Variants in ABCA7 observed in about 807,000 individuals in gnomAD.
The protein encoded by ABCA7 is phospholipid-transporting ATPase ABCA7.
A neutral mutation model predicts 227.6 loss-of-function variants in ABCA7; 261 were observed. The observed-to-expected ratio is 1.15, with a 90% CI of 1.04 to 1.27. The LOEUF (loss-of-function observed/expected upper bound fraction) is 1.27. Ranked by LOEUF, ABCA7 falls within the 50% of genes most tolerant of loss-of-function variation. ABCA7 has a pLI of 0.00. For missense variants in ABCA7, 3,331 were observed against 2,924.5 expected, an observed-to-expected ratio of 1.14 and a Z score of -3.21; for synonymous variants, 1,488 against 1,279.7, an observed-to-expected ratio of 1.16 and a Z score of -3.47.
intron 23 of ABCA7, 148 bp from the exon 24 acceptor site, chr19:1,053,181 C>T (rs1599664458): frequency 1.3e-6 from 1 of 794,840 alleles, no homozygotes; most frequent in East Asian, 2.7e-5. Flanking sequence ...GCGTGAGCCA[C>T]TGCGCCCGGC....
At position 1,045,025 on chromosome 19, in the gene ABCA7, G is replaced by A. The variant is rs1365244123; in HGVS notation, c.1239G>A (p.Glu413=). Residue 413 remains glutamate, a synonymous_variant, in exon 12 of 47, where the codon GAG becomes GAA. Transcript: ENST00000263094. ...AGTGCCTGTCCTTGGACAAGCTGGA[G>A]GCGGCACCCTCAGAGGCAGCCCTGG... ...VTECLSLDKL[E]AAPSEAALVS... 4 of 1,612,752 alleles carry A rather than the reference G, an allele frequency of 2.5e-6. No homozygotes were observed. The African/African-American group carries it at 5.3e-5, about 22-fold the overall frequency.
chr19:1,058,213 G>A lies in ABCA7; in HGVS notation c.5093G>A (p.Arg1698Gln), dbSNP rs144259338. The change falls in exon 37 of 47, where the codon CGG (arginine) becomes CAG (glutamine). Residue 1698 changes from arginine (R) to glutamine (Q), a missense_variant. Physicochemically the swap from Arg to Gln is conservative, Grantham distance 43 (BLOSUM62 1). Coordinates refer to ENST00000263094, the MANE Select transcript of ABCA7 (RefSeq NM_019112.4). ...ATCTTCCCCCACTTCTGCTTGGGCCGGGGGCTCATTGACATGGTGCGGAAC... is the reference window on the plus strand; with the variant it reads ...ATCTTCCCCCACTTCTGCTTGGGCCAGGGGCTCATTGACATGGTGCGGAAC... ...FLIFPHFCLG[R>Q]GLIDMVRNQA... 40 of 1,613,176 alleles carry A rather than the reference G, an allele frequency of 2.5e-5. No homozygotes were observed. The highest frequency in any genetic ancestry group is 2.7e-5 in the African/African-American group (2 of 74,722).
At chr19:1,048,406 G>C (rs1233693625) in intron 16 of ABCA7, among the ~76,000 whole-genome samples, 1 of 140,624 alleles carries the variant, frequency 7.1e-6, no homozygotes, top group African/African-American at 2.6e-5. Flanking sequence ...AGAGGCAGGA[G>C]AAATGCTTGA....
chr19:1,048,759 A>G (rs1374509588), intron 16 of ABCA7, 136 bp from the exon 17 acceptor site: 2 of 468,996 alleles, frequency 4.3e-6, no homozygotes, highest in African/African-American at 2.0e-5. Flanking sequence ...CAGCGAGTCA[A>G]AATCGTGCCA....
intron 45 of ABCA7, 35 bp downstream of exon 45, chr19:1,064,288 G>C: frequency 1.3e-6 from 2 of 1,530,464 alleles, no homozygotes; most frequent in Non-Finnish European, 1.8e-6. Flanking sequence ...GGTGTGGGGT[G>C]AGGGTGGGCA....
At chr19:1,042,014 G>T (rs1254208216) in intron 4 of ABCA7, 42 bp downstream of exon 4, 1 of 1,582,186 alleles carries the variant, frequency 6.3e-7, no homozygotes, top group Non-Finnish European at 8.6e-7. Context: ...GCAAACTCGG[G>T]GCTGCAGTGC....
intron 35 of ABCA7, among the ~76,000 whole-genome samples, 167 bp downstream of exon 35, chr19:1,057,596 G>T (rs2042363967): frequency 6.6e-6 from 1 of 152,118 alleles, no homozygotes; most frequent in Admixed American, 6.5e-5. Flanking sequence ...GGCCTTAAAA[G>T]CTCATCTTAT....
At chr19:1,047,064 G>A (rs1365312163) in intron 14 of ABCA7, 40 bp downstream of exon 14, 3 of 1,551,374 alleles carry the variant, frequency 1.9e-6, no homozygotes, top group East Asian at 4.9e-5. Flanking sequence ...GAATGGGTGC[G>A]CTGGAGGGTG....
Position 1,042,793 on chromosome 19 carries a change from C to T in ABCA7, c.546C>T (p.Ser182=), listed in dbSNP as rs773813183. The change falls in exon 7 of 47, where the codon AGC becomes AGT. Residue 182 remains serine, a synonymous_variant. Transcript: ENST00000263094. Reference sequence around the variant, plus strand: ...GCCAAGCCCAGGAGCCCTTGCACAGCTTGTTGGAGGCCGCTGAGGACCTGG... The same window carrying T: ...GCCAAGCCCAGGAGCCCTTGCACAGTTTGTTGGAGGCCGCTGAGGACCTGG... ...ALGQAQEPLH[S]LLEAAEDLAQ... is the part of the protein sequence containing the mutation. 4.3e-6 allele frequency: 7 copies of T among 1,612,458 alleles called. No individual in the cohort carries two copies. The highest frequency in any genetic ancestry group is 2.2e-5 in the South Asian group (2 of 91,054).
At position 1,064,150 on chromosome 19, in the gene ABCA7, G is replaced by T; in HGVS notation, c.5952-11G>T. 1 of 1,555,274 alleles carries T rather than the reference G, an allele frequency of 6.4e-7. No individual in the cohort carries two copies. Among genetic ancestry groups the T allele is most frequent in the Non-Finnish European group, 8.7e-7 (1 of 1,150,564 alleles). On this transcript the variant is annotated splice_polypyrimidine_tract_variant and intron_variant, in intron 44 of 46. Coordinates refer to ENST00000263094, the MANE Select transcript of ABCA7 (RefSeq NM_019112.4). ...CGGCCTCACGGAGCTCGTGGTGCCG[G>T]GTCCCGACAGCATGGAGGAGTGTGA...
chr19:1,054,321 C>T lies in ABCA7; in HGVS notation c.3706C>T (p.Arg1236Cys), dbSNP rs764301405. 2.2e-5 allele frequency: 36 copies of T among 1,600,622 alleles called. No individual in the cohort carries two copies. Among genetic ancestry groups the T allele is most frequent in the Middle Eastern group, 1.7e-4 (1 of 5,872 alleles). ...GCGCTTTCTGCTTGCCCGCCGCAGC[C>T]GCCGCGGCCTGTTCGCCCAGGTGAG... is the stretch of plus-strand genomic sequence containing the variant. ...LKRFLLARRS[R>C]RGLFAQIVLP... Residue 1236 changes from arginine to cysteine, a missense_variant, in exon 27 of 47, where the codon CGC (arginine) becomes TGC (cysteine). By Grantham distance (180) the Arg-to-Cys change is radical. Coordinates refer to ENST00000263094, the MANE Select transcript of ABCA7 (RefSeq NM_019112.4). This position sits in a 1 kb window ranked among gnomAD's most constrained non-coding sequence, Gnocchi z 4.8.
chr19:1,057,265 A>T, intron 34 of ABCA7, 49 bp from the exon 35 acceptor site: 3 of 1,599,746 alleles, frequency 1.9e-6, no homozygotes, highest in Non-Finnish European at 2.6e-6. Context: ...TGAGGGTGGC[A>T]GTGCCCACCT....
Position 1,053,338 on chromosome 19 carries a change from A to T in ABCA7, c.3230A>T (p.Gln1077Leu), listed in dbSNP as rs1245880932. Residue 1077 changes from glutamine to leucine, a missense_variant, in exon 24 of 47, where the codon CAG becomes CTG. Coordinates refer to ENST00000263094, the MANE Select transcript of ABCA7 (RefSeq NM_019112.4). ...CCCTTTGTCCACACAGGCACTCCTC[A>T]GCTGCTGGCCCTGGTACAGCACTGG... ...GSQGSRVGTP[Q>L]LLALVQHWVP... The T allele has an allele frequency of 3.7e-6, 6 of 1,609,114 alleles. No homozygotes were observed. Among genetic ancestry groups the T allele is most frequent in the Middle Eastern group, 4.5e-4 (2 of 4,466 alleles).
Position 1,048,881 on chromosome 19 carries a change from G to T in ABCA7, c.2270-14G>T, listed in dbSNP as rs546722673. The T allele has an allele frequency of 1.3e-6, 2 of 1,534,444 alleles. No homozygotes were observed. The highest frequency in any genetic ancestry group is 2.4e-5 in the South Asian group (2 of 84,572). Reference sequence around the variant, plus strand: ...GGGGGTGGGCTAAGCAATAACCCGCGCCCCTCCCCGCAGGCCAGTACGGGA... The same window carrying T: ...GGGGGTGGGCTAAGCAATAACCCGCTCCCCTCCCCGCAGGCCAGTACGGGA... On this transcript the variant is annotated splice_polypyrimidine_tract_variant and intron_variant, in intron 16 of 46. Transcript: ENST00000263094.
At position 1,042,338 on chromosome 19, in the gene ABCA7, T is replaced by C. The variant is rs1437256452; in HGVS notation, c.439T>C (p.Ser147Pro). 1 of 1,587,350 alleles carries C rather than the reference T, an allele frequency of 6.3e-7. No individual in the cohort carries two copies. ...STAQPQPTKQSPLEPPMLDVA... is the reference protein window; with the variant it reads ...STAQPQPTKQPPLEPPMLDVA... ...AGCCCAGCCTCAACCAACCAAGCAG[T>C]CTCCACTGGAACCACCCATGCTGGA... The change falls in exon 6 of 47, where the codon TCT becomes CCT. Residue 147 changes from serine to proline, a missense_variant. Ser to Pro is a moderately conservative substitution (Grantham distance 74). Coordinates refer to ENST00000263094, the MANE Select transcript of ABCA7 (RefSeq NM_019112.4).
chr19:1,056,003 C>T lies in ABCA7; in HGVS notation c.4239-63C>T, dbSNP rs1568377206. 1 of 1,544,070 alleles carries T rather than the reference C, an allele frequency of 6.5e-7. No homozygotes were observed. Among genetic ancestry groups the T allele is most frequent in the Non-Finnish European group, 8.7e-7 (1 of 1,147,756 alleles). On this transcript the variant is annotated intron_variant, in intron 31 of 46. Coordinates refer to ENST00000263094, the MANE Select transcript of ABCA7 (RefSeq NM_019112.4). The surrounding 1 kb of genome is among the most constrained non-coding windows in gnomAD (Gnocchi z 4.3). ...CCACTCCCATGCCCTCTGCCTGCCC[C>T]CTGGGAGCTCTCCCGGCCCCCCCGG...
chr19:1,048,557 C>A (rs868690715), intron 16 of ABCA7, among the ~76,000 whole-genome samples: 1 of 149,242 alleles, frequency 6.7e-6, no homozygotes, highest in Non-Finnish European at 1.5e-5. Flanking sequence ...CGCCTGCTTT[C>A]CCAGCACTTT....
At chr19:1,043,508 G>A (rs1181862074) in intron 9 of ABCA7, 35 bp downstream of exon 9, 1 of 1,612,744 alleles carries the variant, frequency 6.2e-7, no homozygotes, top group East Asian at 2.2e-5. Context: ...TGGGAGGGTG[G>A]TGGCCAGAGC....
intron 23 of ABCA7, among the ~76,000 whole-genome samples, chr19:1,052,879 G>A (rs1315206964): frequency 2.0e-5 from 3 of 151,886 alleles, no homozygotes; most frequent in Non-Finnish European, 2.9e-5. Context: ...CCAACACTAG[G>A]TCCAGCACTG....
Sources: gnomAD v4.1 joint callset for allele counts (sites outside exome capture counted in the v4.1 genomes callset) on GRCh38, gnomAD v4.1.1 for gene constraint, Gnocchi (gnomAD v3.1) non-coding constraint, MANE v1.5 for transcripts, NCBI Gene and HGNC (gene_info 2026-07-23, HGNC 2026-07-21) for gene names.